Variants in SGCD observed in about 807,000 individuals in gnomAD.
The protein encoded by SGCD is delta-sarcoglycan.
SGCD carries 18 observed loss-of-function variants against 36.6 expected under a neutral mutation model. The ratio of observed to expected loss-of-function variants is 0.49; its 90% confidence interval spans 0.34 to 0.73. SGCD has a LOEUF of 0.73. Ranked by LOEUF, SGCD falls within the 30% of genes least tolerant of loss-of-function variation. SGCD has a pLI of 0.01. For missense variants in SGCD, 387 were observed against 346.7 expected, an observed-to-expected ratio of 1.12 and a Z score of -0.92; for synonymous variants, 133 against 130.6, an observed-to-expected ratio of 1.02 and a Z score of -0.12.
chr5:155,940,069 C>T (rs776640676), intron 1 of SGCD, among the ~76,000 whole-genome samples: 10 of 152,060 alleles, frequency 6.6e-5, no homozygotes, highest in African/African-American at 2.4e-4. Context: ...CTGACCTGAC[C>T]TCAGGTGATC....
Position 156,766,506 on chromosome 5 carries a change from A to G in SGCD, c.*7116A>G, listed in dbSNP as rs1757590596. ...TACTACCAATTTATCTGAGTTGGAA[A>G]TAAGACTCATTTGCCAGTTCTTATT... On this transcript the variant is annotated 3_prime_UTR_variant, in exon 9 of 9. Transcript: ENST00000337851. 6.6e-6 allele frequency: 1 copy of G among 150,772 alleles called. No homozygotes were observed. The highest frequency in any genetic ancestry group is 1.5e-5 in the Non-Finnish European group (1 of 67,834). The allele number at this position is 150,772 out of a possible 1,614,324, so 9.3% of individuals were successfully genotyped here.
intron 3 of SGCD, among the ~76,000 whole-genome samples, chr5:156,407,454 C>T (rs114220467): frequency 0.011 from 1,733 of 152,232 alleles, 19 homozygotes; most frequent in African/African-American, 0.034. Flanking sequence ...TGAGCCTAAG[C>T]GGGGGAGGGG....
chr5:155,861,359 C>A, the SGCD span, among the ~76,000 whole-genome samples: 7 of 152,264 alleles, frequency 4.6e-5, no homozygotes, highest in East Asian at 1.2e-3. Context: ...CCTTGCAGAG[C>A]TATGCAGAGA....
At chr5:156,014,717 A>G (rs1758929241) in intron 1 of SGCD, among the ~76,000 whole-genome samples, 1 of 152,140 alleles carries the variant, frequency 6.6e-6, no homozygotes, top group Non-Finnish European at 1.5e-5. Context: ...CCTTGTGTAC[A>G]GGATCTTGTC....
chr5:155,883,792 G>GAAAAAAAAAAAAAAAAAAAAAA, intron 1 of SGCD, among the ~76,000 whole-genome samples: 1 of 29,176 alleles, frequency 3.4e-5, no homozygotes, highest in Non-Finnish European at 5.4e-5. Flanking sequence ...CCTTCAATTT[G>GAAAAAAAAAAAAAAAAAAAAAA]CAAAAAAAAA....
At chr5:156,174,271 G>C (rs1162773465) in intron 3 of SGCD, among the ~76,000 whole-genome samples, 2 of 152,190 alleles carry the variant, frequency 1.3e-5, no homozygotes, top group Non-Finnish European at 2.9e-5. Context: ...GCTTACTTTA[G>C]ATAACAGGTT....
Position 155,887,200 on chromosome 5 carries a change from A to C in SGCD, c.-282+16776A>C, listed in dbSNP as rs1479969497. ...AAGAAGTTGCATGGAAATCAAACTT[A>C]TATCATTCTAGTCATATTTTCTCTC... On this transcript the variant is annotated intron_variant, in intron 1 of 9. Transcript: ENST00000517913. Among the ~76,000 whole-genome samples, 4 of 152,332 alleles carry C rather than the reference A, an allele frequency of 2.6e-5. No homozygotes were observed. In the South Asian group the frequency reaches 8.3e-4, roughly 32 times the overall value.
intron 1 of SGCD, among the ~76,000 whole-genome samples, chr5:156,103,006 A>G (rs1389044006): frequency 1.3e-5 from 2 of 152,182 alleles, no homozygotes; most frequent in African/African-American, 4.8e-5. Flanking sequence ...AATGTGGTTT[A>G]ATAATTTACC....
At chr5:156,185,212 C>CTTTTTTTTTT (rs755578762) in intron 3 of SGCD, among the ~76,000 whole-genome samples, 7 of 113,226 alleles carry the variant, frequency 6.2e-5, no homozygotes, top group Admixed American at 9.6e-5. Context: ...CTTTAATTTT[C>CTTTTTTTTTT]TTTTTTTTTT....
intron 4 of SGCD, among the ~76,000 whole-genome samples, chr5:156,547,231 G>T (rs907828365): frequency 2.0e-5 from 3 of 152,100 alleles, no homozygotes; most frequent in Admixed American, 2.0e-4. Flanking sequence ...GTATTGTGGG[G>T]TGTTTAGCAG....
At chr5:156,635,744 T>C (rs1021903112) in intron 6 of SGCD, among the ~76,000 whole-genome samples, 1 of 152,042 alleles carries the variant, frequency 6.6e-6, no homozygotes, top group African/African-American at 2.4e-5. Context: ...AAGGACATGG[T>C]TGAAGCTGGA....
intron 6 of SGCD, among the ~76,000 whole-genome samples, chr5:156,634,985 G>A (rs562463930): frequency 7.2e-5 from 11 of 152,214 alleles, no homozygotes; most frequent in African/African-American, 1.7e-4. Flanking sequence ...ATGCTTTGAC[G>A]GCTGAGGTGG....
chr5:155,824,627 A>G, the SGCD span, among the ~76,000 whole-genome samples: 1 of 152,186 alleles, frequency 6.6e-6, no homozygotes, highest in East Asian at 1.9e-4. Context: ...TCCAAGCCCC[A>G]CAAGGATGAT....
chr5:156,251,045 A>C lies in SGCD; in HGVS notation c.-43-78489A>C, dbSNP rs967109345. On this transcript the variant is annotated intron_variant, in intron 3 of 9. Coordinates refer to the SGCD transcript ENST00000517913. Reference sequence around the variant, plus strand: ...ATTATTCTTAGGAAACACAAGTTAAAATGTTATTAAAATATAAACACATTT... The same window carrying C: ...ATTATTCTTAGGAAACACAAGTTAACATGTTATTAAAATATAAACACATTT... 3.9e-5 allele frequency among the ~76,000 whole-genome samples: 6 copies of C among 152,366 alleles called. No individual in the cohort carries two copies. In the East Asian group the frequency reaches 1.2e-3, roughly 29 times the overall value.
chr5:156,318,411 G>A (rs1160986456), intron 3 of SGCD, among the ~76,000 whole-genome samples: 1 of 152,126 alleles, frequency 6.6e-6, no homozygotes. Flanking sequence ...ACAAAGTCTT[G>A]TAAGTACCTT....
chr5:156,072,462 A>T (rs1264165303), intron 1 of SGCD, among the ~76,000 whole-genome samples: 1 of 151,580 alleles, frequency 6.6e-6, no homozygotes, highest in African/African-American at 2.4e-5. Context: ...ATTGGCCCCC[A>T]CTCTCTTCTG....
chr5:156,281,278 C>G (rs576248885), intron 3 of SGCD, among the ~76,000 whole-genome samples: 35 of 152,068 alleles, frequency 2.3e-4, no homozygotes, highest in East Asian at 3.9e-4. Flanking sequence ...TCATCCCCCC[C>G]CAAAAAAGAA....
At chr5:155,954,658 T>C (rs1354068685) in intron 1 of SGCD, among the ~76,000 whole-genome samples, 1 of 151,596 alleles carries the variant, frequency 6.6e-6, no homozygotes, top group Non-Finnish European at 1.5e-5. Context: ...CCCCAGGACC[T>C]AGAGTAGTGT....
intron 3 of SGCD, among the ~76,000 whole-genome samples, chr5:156,496,767 C>A (rs1031676343): frequency 5.3e-5 from 8 of 152,070 alleles, no homozygotes; most frequent in Non-Finnish European, 8.8e-5. Context: ...GAAATATAGT[C>A]CTACACATGC....
Sources: gnomAD v4.1 joint callset for allele counts (sites outside exome capture counted in the v4.1 genomes callset) on GRCh38, gnomAD v4.1.1 for gene constraint, MANE v1.5 for transcripts, NCBI Gene and HGNC (gene_info 2026-07-23, HGNC 2026-07-21) for gene names.